ASPRV1: variants seen among roughly 807,000 people sequenced by gnomAD.
The protein encoded by ASPRV1 is aspartic peptidase retroviral like 1.
In ASPRV1, 7 loss-of-function variants were observed where a neutral mutation model predicts 11.0. The observed-to-expected ratio is 0.64, with a 90% CI of 0.36 to 1.20. The LOEUF is 1.20. Ranked by LOEUF, ASPRV1 falls within the 50% of genes most tolerant of loss-of-function variation. The probability of loss-of-function intolerance (pLI) is 0.02; values close to 1 mark genes in which losing one functional copy is unlikely to be tolerated. For synonymous variants in ASPRV1, 136 were observed against 138.4 expected (o/e 0.98, Z 0.12); for missense variants, 299 against 320.0 (o/e 0.93, Z 0.50).
At chr2:69,996,792 G>T in the ASPRV1 span, 2 of 455,320 alleles carry the variant, frequency 4.4e-6, no homozygotes, top group Non-Finnish European at 8.8e-6. Context: ...AGGGATGTCG[G>T]ACGGTCAGAT....
chr2:69,970,092 CAG>C, the ASPRV1 span, among the ~76,000 whole-genome samples: 1 of 152,112 alleles, frequency 6.6e-6, no homozygotes. Flanking sequence ...GTCACAGACA[CAG>C]GGGGCTTCCT....
the ASPRV1 span, among the ~76,000 whole-genome samples, chr2:70,033,331 A>G: frequency 2.6e-5 from 4 of 151,670 alleles, no homozygotes; most frequent in Non-Finnish European, 5.9e-5. Flanking sequence ...GCACTCACTC[A>G]AAACACTGTG....
chr2:70,075,234 G>T, the ASPRV1 span: 1 of 148,474 alleles, frequency 6.7e-6, no homozygotes, highest in Non-Finnish European at 1.5e-5. Context: ...TCAGCCTCCC[G>T]AGTAGCTGGG....
At chr2:70,024,929 G>A in the ASPRV1 span, among the ~76,000 whole-genome samples, 1 of 152,174 alleles carries the variant, frequency 6.6e-6, no homozygotes, top group Non-Finnish European at 1.5e-5. Context: ...AAGGGTGACA[G>A]ATGTCATAGC....
chr2:70,068,888 T>C, the ASPRV1 span, among the ~76,000 whole-genome samples: 1 of 134,414 alleles, frequency 7.4e-6, no homozygotes. Flanking sequence ...GAGGTTGCAG[T>C]GAGCAGAGAT....
At chr2:70,039,510 T>C in the ASPRV1 span, among the ~76,000 whole-genome samples, 1 of 152,204 alleles carries the variant, frequency 6.6e-6, no homozygotes, top group Non-Finnish European at 1.5e-5. Flanking sequence ...TGATGGGTTA[T>C]ACTAGGATGC....
the ASPRV1 span, among the ~76,000 whole-genome samples, chr2:69,972,211 AC>A: frequency 6.7e-6 from 1 of 148,664 alleles, no homozygotes; most frequent in Non-Finnish European, 1.5e-5. Context: ...ATAGGCGCCC[AC>A]CACCACGCCT....
chr2:70,086,138 G>C, the ASPRV1 span: 1 of 152,200 alleles, frequency 6.6e-6, no homozygotes, highest in African/African-American at 2.4e-5. Flanking sequence ...AGACCAGCCT[G>C]TGGGCTTTTT....
downstream of ASPRV1, among the ~76,000 whole-genome samples, chr2:69,955,498 C>T (rs973094722): frequency 2.0e-5 from 3 of 152,168 alleles, no homozygotes; most frequent in East Asian, 5.8e-4. Flanking sequence ...AATGAGTGGG[C>T]GCTCCTAAGC....
chr2:70,019,130 C>T, the ASPRV1 span: 5 of 152,066 alleles, frequency 3.3e-5, no homozygotes, highest in African/African-American at 1.2e-4. Flanking sequence ...TCCCAAAATA[C>T]GACATACAAA....
the ASPRV1 span, among the ~76,000 whole-genome samples, chr2:69,987,452 T>TA: frequency 4.7e-5 from 7 of 150,390 alleles, no homozygotes; most frequent in South Asian, 2.1e-4. Context: ...ACATTCACGT[T>TA]AAAAAAAAAT....
At chr2:70,043,117 C>G in the ASPRV1 span, among the ~76,000 whole-genome samples, 1 of 152,044 alleles carries the variant, frequency 6.6e-6, no homozygotes, top group African/African-American at 2.4e-5. Flanking sequence ...GATGCCAAGT[C>G]AACTAGGAAG....
At chr2:69,983,576 C>A in the ASPRV1 span, among the ~76,000 whole-genome samples, 4 of 151,916 alleles carry the variant, frequency 2.6e-5, no homozygotes, top group South Asian at 8.3e-4. Context: ...ATGTGGCAGG[C>A]AGGGAGATGG....
chr2:69,937,076 G>T, the ASPRV1 span: 1 of 930,880 alleles, frequency 1.1e-6, no homozygotes, highest in Non-Finnish European at 1.8e-6. Flanking sequence ...GGAGTCACTG[G>T]CCAGTCGACT....
the ASPRV1 span, among the ~76,000 whole-genome samples, chr2:69,947,690 G>A: frequency 6.6e-6 from 1 of 152,300 alleles, no homozygotes; most frequent in East Asian, 1.9e-4. Context: ...AAGTGAGGTT[G>A]ACTAAGCAGG....
the ASPRV1 span, among the ~76,000 whole-genome samples, chr2:70,058,483 C>T: frequency 2.0e-5 from 3 of 151,964 alleles, no homozygotes; most frequent in South Asian, 6.2e-4. Flanking sequence ...CCTCAAGTGA[C>T]AGCCTGTGTC....
chr2:69,948,370 G>T, the ASPRV1 span, among the ~76,000 whole-genome samples: 8 of 152,234 alleles, frequency 5.3e-5, no homozygotes, highest in African/African-American at 1.9e-4. Flanking sequence ...GCATGAAGGG[G>T]ACACTGTCCT....
At chr2:69,982,073 A>ATCCATCCT in the ASPRV1 span, among the ~76,000 whole-genome samples, 1 of 148,712 alleles carries the variant, frequency 6.7e-6, no homozygotes, top group Non-Finnish European at 1.5e-5. Context: ...CCATCCATCC[A>ATCCATCCT]TCCATCCATC....
At chr2:70,010,474 G>A in the ASPRV1 span, among the ~76,000 whole-genome samples, 1 of 152,078 alleles carries the variant, frequency 6.6e-6, no homozygotes, top group Non-Finnish European at 1.5e-5. Context: ...AAGCAGCGTT[G>A]GGGGGAACTG....
Sources: allele counts gnomAD v4.1 joint callset (sites outside exome capture counted in the v4.1 genomes callset), GRCh38; gene constraint gnomAD v4.1.1; transcripts MANE v1.5; gene names NCBI Gene and HGNC (gene_info 2026-07-23, HGNC 2026-07-21).